Variants in TENM3 observed in about 807,000 individuals in gnomAD.
TENM3 encodes teneurin transmembrane protein 3, also known as teneurin-3.
TENM3 carries 63 observed loss-of-function variants against 255.1 expected under a neutral mutation model. The observed-to-expected ratio is 0.25, with a 90% CI of 0.20 to 0.30. The LOEUF (loss-of-function observed/expected upper bound fraction) is 0.30. Among genes scored for constraint, TENM3 ranks in the 10% least tolerant of loss-of-function variants. TENM3 has a pLI of 1.00. For synonymous variants in TENM3, 1,306 were observed against 1,322.3 expected (o/e 0.99, Z 0.27); for missense variants, 2,929 against 3,461.1 (o/e 0.85, Z 3.86).
intron 7 of TENM3, among the ~76,000 whole-genome samples, chr4:182,676,762 T>C (rs1755694170): frequency 1.3e-5 from 2 of 152,328 alleles, no homozygotes; most frequent in Middle Eastern, 3.4e-3. Context: ...ATTAATACAT[T>C]GTAGTTTAAA....
At chr4:182,584,316 A>G (rs1216485392) in intron 3 of TENM3, among the ~76,000 whole-genome samples, 1 of 152,240 alleles carries the variant, frequency 6.6e-6, no homozygotes, top group Non-Finnish European at 1.5e-5. Context: ...AGCTAAAGAC[A>G]TCTATCTTAA....
chr4:182,133,580 A>G, the TENM3 span, among the ~76,000 whole-genome samples: 3 of 152,222 alleles, frequency 2.0e-5, no homozygotes, highest in Non-Finnish European at 2.9e-5. Flanking sequence ...ATTTGTACAC[A>G]GTGTTCCAAC....
the TENM3 span, among the ~76,000 whole-genome samples, chr4:181,966,307 C>T: frequency 4.5e-4 from 68 of 152,262 alleles, 1 homozygote; most frequent in South Asian, 0.012. Context: ...AAAAACAAAT[C>T]TTGCCCCAGG....
intron 1 of TENM3, among the ~76,000 whole-genome samples, chr4:182,306,616 C>T (rs912901714): frequency 6.6e-6 from 1 of 152,112 alleles, no homozygotes; most frequent in Admixed American, 6.6e-5. Context: ...TATTGTGATA[C>T]TCCTGGTGCT....
At chr4:182,534,960 G>T (rs1324027480) in intron 3 of TENM3, among the ~76,000 whole-genome samples, 5 of 152,306 alleles carry the variant, frequency 3.3e-5, no homozygotes, top group African/African-American at 1.2e-4. Flanking sequence ...GTCCAAGCAA[G>T]CTGAAACTTG....
At chr4:181,929,354 CAA>C in the TENM3 span, among the ~76,000 whole-genome samples, 14 of 121,954 alleles carry the variant, frequency 1.1e-4, no homozygotes, top group Admixed American at 3.3e-4. Flanking sequence ...AATGGAAAGG[CAA>C]AAAAAAAAAA....
chr4:182,402,267 C>T (rs972665166), intron 3 of TENM3, among the ~76,000 whole-genome samples: 17 of 151,980 alleles, frequency 1.1e-4, no homozygotes, highest in Non-Finnish European at 2.1e-4. Flanking sequence ...CAAAACTATA[C>T]GCGGAAAGAC....
At chr4:181,776,233 G>A in the TENM3 span, among the ~76,000 whole-genome samples, 4 of 151,946 alleles carry the variant, frequency 2.6e-5, no homozygotes, top group Admixed American at 6.6e-5. Context: ...TTCCATCCAC[G>A]TCGCTGTAAA....
chr4:181,591,699 A>G, the TENM3 span, among the ~76,000 whole-genome samples: 2 of 152,188 alleles, frequency 1.3e-5, no homozygotes, highest in South Asian at 2.1e-4. Context: ...CACGAGCCCT[A>G]TTGCAGACTG....
intron 1 of TENM3, among the ~76,000 whole-genome samples, chr4:182,198,104 C>CA (rs987555538): frequency 1.3e-5 from 2 of 150,328 alleles, no homozygotes; most frequent in East Asian, 1.9e-4. Flanking sequence ...GACTCCATCT[C>CA]AAAAAAAATA....
chr4:182,315,597 G>C (rs934883196), intron 1 of TENM3, among the ~76,000 whole-genome samples: 1 of 151,966 alleles, frequency 6.6e-6, no homozygotes, highest in African/African-American at 2.4e-5. Flanking sequence ...TGTGTTTGGG[G>C]CTTGTTGAGC....
At chr4:182,444,918 C>A (rs1449251163) in intron 3 of TENM3, among the ~76,000 whole-genome samples, 1 of 152,168 alleles carries the variant, frequency 6.6e-6, no homozygotes, top group African/African-American at 2.4e-5. Flanking sequence ...AGTGATTCTC[C>A]TGCCCTAGCC....
chr4:182,049,433 G>A, the TENM3 span, among the ~76,000 whole-genome samples: 6 of 152,138 alleles, frequency 3.9e-5, no homozygotes, highest in African/African-American at 9.7e-5. Context: ...GGCGGAGAAA[G>A]CACTTCAGCT....
At chr4:181,458,207 G>T in the TENM3 span, among the ~76,000 whole-genome samples, 118 of 151,954 alleles carry the variant, frequency 7.8e-4, 2 homozygotes, top group East Asian at 0.021. Flanking sequence ...CAAAGAATCT[G>T]AAATGAGGGT....
chr4:182,079,181 A>G, the TENM3 span, among the ~76,000 whole-genome samples: 2 of 151,792 alleles, frequency 1.3e-5, no homozygotes, highest in Admixed American at 1.3e-4. Context: ...GGGTAGCTTG[A>G]TATTGAAAAT....
intron 1 of TENM3, among the ~76,000 whole-genome samples, chr4:182,264,513 T>C (rs1408081823): frequency 6.6e-6 from 1 of 152,226 alleles, no homozygotes; most frequent in Non-Finnish European, 1.5e-5. Context: ...AATCTCAAAA[T>C]TAACTACTCT....
At chr4:182,150,333 G>A (rs532852709) in intron 1 of TENM3, among the ~76,000 whole-genome samples, 1 of 151,928 alleles carries the variant, frequency 6.6e-6, no homozygotes, top group South Asian at 2.1e-4. Context: ...TATGTAGCAG[G>A]GTGTGTGACA....
At chr4:181,816,965 A>G in the TENM3 span, among the ~76,000 whole-genome samples, 14 of 152,338 alleles carry the variant, frequency 9.2e-5, no homozygotes, top group Admixed American at 2.6e-4. Flanking sequence ...CTCATTTTAT[A>G]GATAAGTAAA....
chr4:181,486,261 A>G, the TENM3 span, among the ~76,000 whole-genome samples: 6 of 152,132 alleles, frequency 3.9e-5, no homozygotes, highest in African/African-American at 1.2e-4. Context: ...AAGGGCACAC[A>G]CAGAAGCCAT....
Sources: gnomAD v4.1 joint callset for allele counts (sites outside exome capture counted in the v4.1 genomes callset) on GRCh38, gnomAD v4.1.1 for gene constraint, MANE v1.5 for transcripts, NCBI Gene and HGNC (gene_info 2026-07-23, HGNC 2026-07-21) for gene names.